NPR1: variants seen among roughly 807,000 people sequenced by gnomAD.
NPR1 encodes natriuretic peptide receptor 1, also known as atrial natriuretic peptide receptor 1.
Under a neutral mutation model 116.9 loss-of-function variants are expected in NPR1, and 57 were observed. The observed-to-expected ratio is 0.49, with a 90% CI of 0.39 to 0.61. The LOEUF (loss-of-function observed/expected upper bound fraction) is 0.61. NPR1 is among the 20% of genes least tolerant of loss of function. The pLI, the probability that NPR1 is intolerant of heterozygous loss-of-function variation, is 0.00. For synonymous variants in NPR1, 555 were observed against 601.6 expected, an observed-to-expected ratio of 0.92 and a Z score of 1.13; for missense variants, 1,096 against 1,409.8, an observed-to-expected ratio of 0.78 and a Z score of 3.56.
chr1:153,685,094 C>T lies in NPR1; in HGVS notation c.1605+10C>T. 1 of 1,613,388 alleles carries T rather than the reference C, an allele frequency of 6.2e-7. No individual in the cohort carries two copies. The highest frequency in any genetic ancestry group is 8.5e-7 in the Non-Finnish European group (1 of 1,179,680). On this transcript the variant is annotated intron_variant, in intron 8 of 21. Coordinates refer to ENST00000368680, the MANE Select transcript of NPR1 (RefSeq NM_000906.4). ...GCTGACCCTGAGCGGGGTAAGAACGCTGGTGTTTGTGTTGGGGGGCAATAA... is the reference window on the plus strand; with the variant it reads ...GCTGACCCTGAGCGGGGTAAGAACGTTGGTGTTTGTGTTGGGGGGCAATAA...
At chr1:153,681,587 G>T (rs996214460) in intron 3 of NPR1, 117 bp from the exon 4 acceptor site, 13 of 1,054,500 alleles carry the variant, frequency 1.2e-5, no homozygotes, top group South Asian at 6.1e-5. Context: ...TGATATAGGG[G>T]TGTTATTTTC....
In NPR1 at chr1:153,689,004, C is replaced by A; in HGVS notation, c.2469C>A (p.Tyr823Ter). ...LDNLLSRMEQ[Y>*]ANNLEELVEE... is the part of the protein sequence containing the mutation. Reference sequence around the variant, plus strand: ...ACCTGCTGTCCCGCATGGAGCAGTACGCGAACAATCTGGAGGAACTGGTGG... The same window carrying A: ...ACCTGCTGTCCCGCATGGAGCAGTAAGCGAACAATCTGGAGGAACTGGTGG... Residue 823 changes from tyrosine to a stop codon, truncating the protein, a stop_gained, in exon 16 of 22, where the codon TAC becomes TAA. Transcript: ENST00000368680. LOFTEE classifies it high-confidence loss of function. The surrounding 1 kb of genome is among the most constrained non-coding windows in gnomAD (Gnocchi z 5.1). 6.2e-7 allele frequency: 1 copy of A among 1,614,182 alleles called. No individual in the cohort carries two copies. The highest frequency in any genetic ancestry group is 8.5e-7 in the Non-Finnish European group (1 of 1,180,034).
At position 153,679,513 on chromosome 1, in the gene NPR1, G is replaced by C. The variant is rs1026336399; in HGVS notation, c.405G>C (p.Pro135=). The C allele has an allele frequency of 6.5e-7, 1 of 1,535,262 alleles. No homozygotes were observed. The highest frequency in any genetic ancestry group is 8.7e-7 in the Non-Finnish European group (1 of 1,145,668). The change falls in exon 1 of 22, where the codon CCG becomes CCC. Residue 135 remains proline (P), a synonymous_variant. Coordinates refer to ENST00000368680, the MANE Select transcript of NPR1 (RefSeq NM_000906.4). The surrounding 1 kb of genome is among the most constrained non-coding windows in gnomAD (Gnocchi z 4.2). ...GCTTCACCGCGCACTGGCGGGTCCCGCTGCTGACCGCCGGCGCCCCGGCGC... is the reference window on the plus strand; with the variant it reads ...GCTTCACCGCGCACTGGCGGGTCCCCCTGCTGACCGCCGGCGCCCCGGCGC... ...VGRFTAHWRV[P]LLTAGAPALG... is the part of the protein sequence containing the mutation.
chr1:153,682,653 C>G (rs1669814899), intron 5 of NPR1, 64 bp downstream of exon 5: 2 of 1,225,850 alleles, frequency 1.6e-6, no homozygotes, highest in Non-Finnish European at 2.4e-6. Flanking sequence ...CTACTTCCCC[C>G]CCACAGCCCT....
At chr1:153,687,479 G>A in intron 13 of NPR1, 123 bp downstream of exon 13, 1 of 1,485,976 alleles carries the variant, frequency 6.7e-7, no homozygotes, top group Non-Finnish European at 9.1e-7. Flanking sequence ...ATTCACCCAT[G>A]AAAAAGGGAA....
At chr1:153,681,861 G>T in intron 4 of NPR1, 22 bp downstream of exon 4, 1 of 1,612,138 alleles carries the variant, frequency 6.2e-7, no homozygotes, top group Non-Finnish European at 8.5e-7. Flanking sequence ...GAGGTGGCTG[G>T]AATGGGCTGC....
chr1:153,681,755 G>A lies in NPR1; in HGVS notation c.1087G>A (p.Ala363Thr), dbSNP rs1388727725. 1 of 1,613,984 alleles carries A rather than the reference G, an allele frequency of 6.2e-7. No homozygotes were observed. Among genetic ancestry groups the A allele is most frequent in the Non-Finnish European group, 8.5e-7 (1 of 1,180,002 alleles). Residue 363 changes from alanine to threonine, a missense_variant, in exon 4 of 22, where the codon GCA becomes ACA. Ala to Thr is a moderately conservative substitution (Grantham distance 58). Transcript: ENST00000368680. Reference sequence around the variant, plus strand: ...CGACGGGCTCCTGCTCTATATCCAGGCAGTGACGGAGACTCTGGCACATGG... The same window carrying A: ...CGACGGGCTCCTGCTCTATATCCAGACAGTGACGGAGACTCTGGCACATGG... ...FHDGLLLYIQAVTETLAHGGT... is the reference protein window; with the variant it reads ...FHDGLLLYIQTVTETLAHGGT...
chr1:153,688,843 T>C (rs916875034), intron 15 of NPR1, 110 bp from the exon 16 acceptor site: 77 of 1,357,560 alleles, frequency 5.7e-5, no homozygotes, highest in Middle Eastern at 3.7e-4. Flanking sequence ...ACCCTGAGCG[T>C]CTCTAGAGAC....
At position 153,684,927 on chromosome 1, in the gene NPR1, C is replaced by T. The variant is rs376615437; in HGVS notation, c.1485-37C>T. On this transcript the variant is annotated intron_variant, in intron 7 of 21. Transcript: ENST00000368680. ...TGAGCACCCTGCCCTGGGTCAGCGG[C>T]TCAGCCACAGGCTCAGATGCAGCCT... The T allele has an allele frequency of 3.7e-6, 6 of 1,610,726 alleles. No homozygotes were observed. In the African/African-American group the frequency reaches 8.0e-5, roughly 22 times the overall value.
In NPR1 at chr1:153,689,773, G is replaced by T. The variant is rs372105507; in HGVS notation, c.2758-33G>T. 2 of 1,496,092 alleles carry T rather than the reference G, an allele frequency of 1.3e-6. No homozygotes were observed. Among genetic ancestry groups the T allele is most frequent in the Admixed American group, 2.2e-5 (1 of 46,058 alleles). The allele number at this position is 1,496,092 out of a possible 1,614,324, so 92.7% of individuals were successfully genotyped here. Reference sequence around the variant, plus strand: ...TGTGGCCGGCCGCACAGTTGCAGCCGTCAAGTCCTGCACCCCCTCGCCACT... The same window carrying T: ...TGTGGCCGGCCGCACAGTTGCAGCCTTCAAGTCCTGCACCCCCTCGCCACT... On this transcript the variant is annotated intron_variant, in intron 18 of 21. Coordinates refer to ENST00000368680, the MANE Select transcript of NPR1 (RefSeq NM_000906.4). This position sits in a 1 kb window ranked among gnomAD's most constrained non-coding sequence, Gnocchi z 5.1.
intron 7 of NPR1, among the ~76,000 whole-genome samples, chr1:153,684,486 G>T (rs1325710462): frequency 7.2e-6 from 1 of 138,906 alleles, no homozygotes; most frequent in Non-Finnish European, 1.5e-5. Flanking sequence ...CCGCCTCCCA[G>T]TTTCAAGCAA....
At chr1:153,688,663 C>T in intron 15 of NPR1, 1 of 490,504 alleles carries the variant, frequency 2.0e-6, no homozygotes, top group East Asian at 3.4e-5. Context: ...CCGCAATTGA[C>T]CCTTGTCATT....
At chr1:153,685,765 G>A (rs950589240) in intron 8 of NPR1, 41 bp from the exon 9 acceptor site, 37 of 1,513,496 alleles carry the variant, frequency 2.4e-5, no homozygotes, top group Non-Finnish European at 3.2e-5. Context: ...TGCAGACTGG[G>A]CCCACCGGCT....
rs1016830621 is a variant in NPR1, at chr1:153,689,861, G to C, written c.2813G>C (p.Gly938Ala). ...MVVSGLPVRN[G>A]RLHACEVARM... ...GTGTCAGGGCTCCCTGTGCGGAACG[G>C]GCGGCTACACGCCTGCGAGGTAGCC... Residue 938 changes from glycine (G) to alanine (A), a missense_variant, in exon 19 of 22, where the codon GGG (glycine) becomes GCG (alanine). Coordinates refer to ENST00000368680, the MANE Select transcript of NPR1 (RefSeq NM_000906.4). The surrounding 1 kb of genome is among the most constrained non-coding windows in gnomAD (Gnocchi z 5.1). The C allele has an allele frequency of 6.3e-7, 1 of 1,593,884 alleles. No individual in the cohort carries two copies. Among genetic ancestry groups the C allele is most frequent in the African/African-American group, 1.3e-5 (1 of 74,578 alleles).
chr1:153,690,286 C>T lies in NPR1; in HGVS notation c.2935C>T (p.Pro979Ser), dbSNP rs940996072. Residue 979 changes from proline (P) to serine (S), a missense_variant and splice_region_variant, in exon 20 of 22, where the codon CCT becomes TCT. Transcript: ENST00000368680. ...LRLRIGIHTG[P>S]VCAGVVGLKM... Reference sequence around the variant, plus strand: ...GCTCCTTCCCTTGCTCCTCCCAGGACCTGTGTGTGCTGGAGTGGTGGGACT... The same window carrying T: ...GCTCCTTCCCTTGCTCCTCCCAGGATCTGTGTGTGCTGGAGTGGTGGGACT... 28 of 1,556,302 alleles carry T rather than the reference C, an allele frequency of 1.8e-5. No individual in the cohort carries two copies. The highest frequency in any genetic ancestry group is 2.4e-5 in the Non-Finnish European group (27 of 1,148,866).
In NPR1 at chr1:153,681,457, C is replaced by T. The variant is rs974657077; in HGVS notation, c.1035+164C>T. ...TGGAGGAGGACACTGGCAAGTTCAG[C>T]CTCTGAAACTCAGGTCATCATCAGT... is the stretch of plus-strand genomic sequence containing the variant. On this transcript the variant is annotated intron_variant, in intron 3 of 21. Coordinates refer to ENST00000368680, the MANE Select transcript of NPR1 (RefSeq NM_000906.4). The T allele has an allele frequency of 1.9e-5, 12 of 639,936 alleles. No individual in the cohort carries two copies. In the Admixed American group the frequency reaches 3.4e-4, roughly 18 times the overall value. 39.6% of individuals were successfully genotyped at this position (639,936 alleles called of 1,614,324 possible).
rs372418884 is a variant in NPR1, at chr1:153,686,560, A to T, written c.1759-86A>T. On this transcript the variant is annotated intron_variant, in intron 10 of 21. Coordinates refer to ENST00000368680, the MANE Select transcript of NPR1 (RefSeq NM_000906.4). ...GTTGCAGAAAGTGAATAAGGAGTTAAGAAGAGTGAGGGTCCCTGAAGCTAG... is the reference window on the plus strand; with the variant it reads ...GTTGCAGAAAGTGAATAAGGAGTTATGAAGAGTGAGGGTCCCTGAAGCTAG... 182 of 1,076,604 alleles carry T rather than the reference A, an allele frequency of 1.7e-4. 2 individuals are homozygous for T. In the South Asian group the frequency reaches 2.4e-3, roughly 14 times the overall value. The allele number at this position is 1,076,604 out of a possible 1,614,324, so 66.7% of individuals were successfully genotyped here.
chr1:153,690,971 A>AG (rs1670095690), intron 20 of NPR1, among the ~76,000 whole-genome samples: 1 of 116,518 alleles, frequency 8.6e-6, no homozygotes, highest in Non-Finnish European at 1.8e-5. Flanking sequence ...AAAAAAAAAG[A>AG]CCCTCTGCTC....
At chr1:153,690,020 A>G in intron 19 of NPR1, 40 bp downstream of exon 19, 1 of 1,453,964 alleles carries the variant, frequency 6.9e-7, no homozygotes, top group Non-Finnish European at 9.1e-7. Context: ...CCAGAGGCCA[A>G]GGCTTCGCAA....
Sources: gnomAD v4.1 joint callset for allele counts (sites outside exome capture counted in the v4.1 genomes callset) on GRCh38, gnomAD v4.1.1 for gene constraint, Gnocchi (gnomAD v3.1) non-coding constraint, MANE v1.5 for transcripts, NCBI Gene and HGNC (gene_info 2026-07-23, HGNC 2026-07-21) for gene names.